The following VPS54 variants were observed in gnomAD, a reference collection of about 807,000 sequenced individuals.
VPS54 encodes the protein VPS54 subunit of GARP complex.
In VPS54, 45 loss-of-function variants were observed where a neutral mutation model predicts 121.5. The ratio of observed to expected loss-of-function variants is 0.37; its 90% CI spans 0.29 to 0.47. The LOEUF is 0.47. Ranked by LOEUF, VPS54 falls within the 20% of genes least tolerant of loss-of-function variation. The pLI, the probability that VPS54 is intolerant of heterozygous loss-of-function variation, is 0.99. For synonymous variants in VPS54, 371 were observed against 385.8 expected (o/e 0.96, Z 0.45); for missense variants, 1,090 against 1,131.4 (o/e 0.96, Z 0.52).
At chr2:63,983,249 A>G (rs1173462450) in intron 2 of VPS54, among the ~76,000 whole-genome samples, 1 of 149,216 alleles carries the variant, frequency 6.7e-6, no homozygotes, top group African/African-American at 2.5e-5. Flanking sequence ...CTCCTGCCTC[A>G]GCCTCCCAAG....
intron 1 of VPS54, among the ~76,000 whole-genome samples, chr2:63,988,079 G>A (rs1327177834): frequency 6.6e-6 from 1 of 152,188 alleles, no homozygotes; most frequent in East Asian, 1.9e-4. Flanking sequence ...GTGAAAGTGG[G>A]CATCCTTGCT....
At chr2:63,898,276 T>C (rs891479246) in intron 21 of VPS54, among the ~76,000 whole-genome samples, 1 of 152,088 alleles carries the variant, frequency 6.6e-6, no homozygotes, top group South Asian at 2.1e-4. Context: ...AGAACTCAGA[T>C]GGCAAATCCA....
intron 6 of VPS54, among the ~76,000 whole-genome samples, chr2:63,965,511 G>A (rs187406206): frequency 1.1e-4 from 16 of 152,220 alleles, no homozygotes; most frequent in Admixed American, 1.0e-3. Flanking sequence ...AAATTAGCCA[G>A]TATGTAAATA....
At chr2:63,993,314 GAGATTCCAATC>G (rs1340210380) in intron 1 of VPS54, among the ~76,000 whole-genome samples, 2 of 152,304 alleles carry the variant, frequency 1.3e-5, no homozygotes, top group Middle Eastern at 3.4e-3. Context: ...ATGCTGCGGG[GAGATTCCAATC>G]TCCGCAGTCC....
At chr2:63,921,056 T>A in intron 13 of VPS54, 150 bp downstream of exon 13, 1 of 692,240 alleles carries the variant, frequency 1.4e-6, no homozygotes, top group South Asian at 4.7e-5. Flanking sequence ...TCTCAACATC[T>A]CCCTAGTAGA....
chr2:63,940,302 T>G (rs950795977), intron 11 of VPS54, among the ~76,000 whole-genome samples: 1 of 152,132 alleles, frequency 6.6e-6, no homozygotes, highest in African/African-American at 2.4e-5. Flanking sequence ...ATCACAAACT[T>G]TTTTCACAGA....
intron 3 of VPS54, among the ~76,000 whole-genome samples, chr2:63,975,994 T>C (rs747013519): frequency 3.3e-4 from 50 of 152,164 alleles, no homozygotes; most frequent in Non-Finnish European, 6.5e-4. Context: ...CCTGCCGAAG[T>C]GCTGGGATTA....
intron 1 of VPS54, among the ~76,000 whole-genome samples, chr2:63,998,485 T>C (rs534568562): frequency 1.3e-5 from 2 of 152,298 alleles, no homozygotes; most frequent in African/African-American, 4.8e-5. Flanking sequence ...TTCTCTTCCT[T>C]CCTGTCTTCC....
intron 1 of VPS54, among the ~76,000 whole-genome samples, chr2:64,009,106 G>A (rs989799337): frequency 1.3e-5 from 2 of 152,168 alleles, no homozygotes; most frequent in African/African-American, 4.8e-5. Flanking sequence ...TTTAAATTAT[G>A]TCACTACTCC....
At chr2:63,966,823 T>C (rs1324985281) in intron 5 of VPS54, among the ~76,000 whole-genome samples, 1 of 152,212 alleles carries the variant, frequency 6.6e-6, no homozygotes, top group Non-Finnish European at 1.5e-5. Context: ...TCTTCCATAC[T>C]CTTATTCTTT....
intron 7 of VPS54, 149 bp downstream of exon 7, chr2:63,961,909 T>C: frequency 1.2e-6 from 1 of 860,232 alleles, no homozygotes; most frequent in Non-Finnish European, 1.6e-6. Flanking sequence ...TACTACAATA[T>C]CAGAATAACA....
chr2:63,958,263 G>A (rs929233318), intron 7 of VPS54, among the ~76,000 whole-genome samples: 22 of 151,856 alleles, frequency 1.4e-4, no homozygotes, highest in African/African-American at 5.1e-4. Context: ...GAGCTCAGAG[G>A]TCACCAAAAA....
chr2:63,906,981 T>C (rs780214907), intron 20 of VPS54, among the ~76,000 whole-genome samples: 2 of 152,186 alleles, frequency 1.3e-5, no homozygotes, highest in Non-Finnish European at 2.9e-5. Context: ...TAAGACAGTG[T>C]GGTACTGGAA....
chr2:63,984,246 A>T (rs1281785489), intron 1 of VPS54, among the ~76,000 whole-genome samples: 14 of 152,362 alleles, frequency 9.2e-5, no homozygotes, highest in Admixed American at 6.5e-4. Context: ...ATTTTATTCA[A>T]AGTACAAAAA....
chr2:63,970,202 AATAT>A (rs560705872), intron 4 of VPS54, among the ~76,000 whole-genome samples: 3,850 of 58,552 alleles, frequency 0.066, 153 homozygotes, highest in Non-Finnish European at 0.1. Flanking sequence ...ATTAAAAAAA[AATAT>A]ATATATACAC....
At chr2:63,948,589 T>C (rs954281346) in intron 8 of VPS54, among the ~76,000 whole-genome samples, 1 of 151,752 alleles carries the variant, frequency 6.6e-6, no homozygotes, top group Non-Finnish European at 1.5e-5. Flanking sequence ...TTCGTAGAGA[T>C]GGAGTCTCCC....
chr2:63,926,386 A>G (rs1415410271), intron 12 of VPS54, among the ~76,000 whole-genome samples: 1 of 152,246 alleles, frequency 6.6e-6, no homozygotes, highest in Admixed American at 6.5e-5. Context: ...AACTTTATTA[A>G]TATATAGCTC....
At chr2:63,923,144 T>C (rs888147419) in intron 12 of VPS54, among the ~76,000 whole-genome samples, 6 of 151,838 alleles carry the variant, frequency 4.0e-5, no homozygotes, top group Admixed American at 6.6e-5. Flanking sequence ...TGAAACCCCG[T>C]CTCTACTAAA....
chr2:63,929,705 CA>C (rs71393340), intron 12 of VPS54, among the ~76,000 whole-genome samples: 4,454 of 129,228 alleles, frequency 0.034, 77 homozygotes, highest in Non-Finnish European at 0.041. Context: ...AAAAACCCTT[CA>C]AAAAAAAAAA....
Sources: allele counts gnomAD v4.1 joint callset (sites outside exome capture counted in the v4.1 genomes callset), GRCh38; gene constraint gnomAD v4.1.1; transcripts MANE v1.5; gene names NCBI Gene and HGNC (gene_info 2026-07-23, HGNC 2026-07-21).